KYAT1: variants seen among roughly 807,000 people sequenced by gnomAD.
KYAT1 encodes kynurenine--oxoglutarate transaminase 1.
In KYAT1, 47 loss-of-function variants were observed where a neutral mutation model predicts 52.4. That is an observed-to-expected ratio of 0.90 (90% CI 0.71 to 1.14). The LOEUF is 1.14. KYAT1 is among the 50% of genes most tolerant of loss of function. The pLI is 0.00. For missense variants in KYAT1, 480 were observed against 557.9 expected, an observed-to-expected ratio of 0.86 and a Z score of 1.41; for synonymous variants, 212 against 209.6, an observed-to-expected ratio of 1.01 and a Z score of -0.10.
Position 128,865,450 on chromosome 9 carries a change from C to T in KYAT1, c.-7+16447G>A, listed in dbSNP as rs543181853. Among the ~76,000 whole-genome samples the T allele has an allele frequency of 7.0e-5, 10 of 143,690 alleles. No homozygotes were observed. In the East Asian group the frequency reaches 2.1e-3, roughly 30 times the overall value. 94.3% of individuals were successfully genotyped at this position (143,690 alleles called of 152,430 possible). On this transcript the variant is annotated intron_variant, in intron 1 of 12. Coordinates refer to ENST00000302586, the MANE Select transcript of KYAT1 (RefSeq NM_004059.5). ...CGATCTTGGCTCACTGCAACCTCTG[C>T]CTCCCGGGTTCAAGCGATTCTCGTG... is the stretch of plus-strand genomic sequence containing the variant.
intron 7 of KYAT1, 173 bp from the exon 8 acceptor site, chr9:128,836,246 C>T (rs1407385493): frequency 5.9e-6 from 3 of 504,594 alleles, no homozygotes; most frequent in African/African-American, 4.0e-5. Context: ...TCCTTCCTTC[C>T]TTCTTTCTCT....
chr9:128,860,158 T>C (rs2130652913), intron 1 of KYAT1: 1 of 151,510 alleles, frequency 6.6e-6, no homozygotes, highest in East Asian at 1.9e-4. Flanking sequence ...AGAGGAAAAT[T>C]TTCTCCTCTT....
Position 128,850,450 on chromosome 9 carries a change from TGC to T in KYAT1, c.-6-5041_-6-5040del, listed in dbSNP as rs201232939. The stretch of plus-strand genomic sequence containing the variant: ...AAGGGATCTAGGGCTGTGCAGGATA[TGC>T]CTTGTTAACAAAATGTTTACAAGCA... On this transcript the variant is annotated intron_variant, in intron 1 of 12. Coordinates refer to ENST00000302586, the MANE Select transcript of KYAT1 (RefSeq NM_004059.5). 1.0e-3 allele frequency among the ~76,000 whole-genome samples: 159 copies of T among 152,310 alleles called. No individual in the cohort carries two copies. The East Asian group carries it at 0.029, about 28-fold the overall frequency.
intron 1 of KYAT1, among the ~76,000 whole-genome samples, chr9:128,852,248 T>C (rs1381598537): frequency 6.6e-6 from 1 of 152,306 alleles, no homozygotes; most frequent in South Asian, 2.1e-4. Context: ...ATACAACCCA[T>C]GGGTGCTCTC....
At chr9:128,854,171 T>G (rs1465999696) in intron 1 of KYAT1, among the ~76,000 whole-genome samples, 1 of 152,004 alleles carries the variant, frequency 6.6e-6, no homozygotes, top group Non-Finnish European at 1.5e-5. Context: ...AGGCCATAAT[T>G]GAAAGAAGTA....
chr9:128,849,718 C>T (rs1833659108), intron 1 of KYAT1, among the ~76,000 whole-genome samples: 1 of 148,062 alleles, frequency 6.8e-6, no homozygotes, highest in Non-Finnish European at 1.5e-5. Context: ...ATTGCTTCAA[C>T]TTGGGAGATG....
intron 6 of KYAT1, among the ~76,000 whole-genome samples, 171 bp downstream of exon 6, chr9:128,837,514 G>A (rs952191793): frequency 8.5e-5 from 13 of 152,170 alleles, no homozygotes; most frequent in Admixed American, 3.3e-4. Context: ...CCTTCCCTGG[G>A]GATTCTTGCC....
At chr9:128,857,831 G>A (rs886597758) in intron 1 of KYAT1, among the ~76,000 whole-genome samples, 6 of 152,050 alleles carry the variant, frequency 3.9e-5, no homozygotes, top group Non-Finnish European at 7.4e-5. Flanking sequence ...GCGAGACTCC[G>A]TCTCAAAACA....
intron 7 of KYAT1, among the ~76,000 whole-genome samples, 182 bp downstream of exon 7, chr9:128,836,620 C>T (rs1036465522): frequency 1.8e-4 from 27 of 152,002 alleles, no homozygotes; most frequent in African/African-American, 6.3e-4. Context: ...TGACCTCATC[C>T]TTTCGACAAC....
intron 1 of KYAT1, among the ~76,000 whole-genome samples, 153 bp downstream of exon 1, chr9:128,881,744 G>A (rs1458726137): frequency 1.3e-5 from 2 of 152,154 alleles, no homozygotes. Context: ...GATTCCCGCG[G>A]GCGGCTCAAT....
intron 1 of KYAT1, among the ~76,000 whole-genome samples, chr9:128,857,205 T>A (rs566636256): frequency 6.6e-6 from 1 of 152,186 alleles, no homozygotes; most frequent in Non-Finnish European, 1.5e-5. Context: ...CACATGTTTT[T>A]TTGCTGACCT....
chr9:128,841,902 ATGAGCCCCAGGAAATGGCATATCATG>A lies in KYAT1; in HGVS notation c.201+726_201+751del, dbSNP rs540873261. Among the ~76,000 whole-genome samples, 919 of 150,414 alleles carry A rather than the reference ATGAGCCCCAGGAAATGGCATATCATG, an allele frequency of 6.1e-3. 6 individuals carry two copies. The highest frequency in any genetic ancestry group is 0.028 in the Middle Eastern group (8 of 282). ...CTAGAGGCTGAGGTGGGAGGATCAC[ATGAGCCCCAGGAAATGGCATATCATG>A]TGAGCCCCATGAGGTACAGGCTGCA... On this transcript the variant is annotated intron_variant, in intron 3 of 12. Coordinates refer to ENST00000302586, the MANE Select transcript of KYAT1 (RefSeq NM_004059.5).
chr9:128,836,251 T>TCTTTCTC, intron 7 of KYAT1, 178 bp from the exon 8 acceptor site: 2 of 469,170 alleles, frequency 4.3e-6, no homozygotes, highest in Non-Finnish European at 3.8e-6. Flanking sequence ...CCTTCCTTCT[T>TCTTTCTC]TCTCTCTCTC....
chr9:128,868,240 G>T (rs577008901), intron 1 of KYAT1, among the ~76,000 whole-genome samples: 3 of 151,290 alleles, frequency 2.0e-5, no homozygotes, highest in African/African-American at 7.3e-5. Context: ...GCAATGGCAC[G>T]ATCTTGATTC....
intron 10 of KYAT1, 36 bp from the exon 11 acceptor site, chr9:128,835,438 C>T: frequency 6.2e-7 from 1 of 1,613,810 alleles, no homozygotes; most frequent in East Asian, 2.2e-5. Context: ...CCCCTGCAGC[C>T]TCCAGCCCCT....
intron 3 of KYAT1, among the ~76,000 whole-genome samples, chr9:128,839,731 C>T (rs1831799591): frequency 6.6e-6 from 1 of 152,174 alleles, no homozygotes; most frequent in South Asian, 2.1e-4. Context: ...CCAGATTTGG[C>T]CACACAAATA....
rs1423247613 is a variant in KYAT1 at position 128,835,864 on chromosome 9, C to A, written c.770G>T (p.Gly257Val). ...KTFSATGWKV[G>V]WVLGPDHIMK... ...GATGTGATCTGGACCCAGGACCCAG[C>A]CCACCTGCAGCAGGGGCGCAGGTAG... The change falls in exon 9 of 13, where the codon GGC (glycine) becomes GTC (valine). Residue 257 changes from glycine (G) to valine (V), a missense_variant. Transcript: ENST00000302586. 1.2e-6 allele frequency: 2 copies of A among 1,614,092 alleles called. No individual in the cohort carries two copies. Among genetic ancestry groups the A allele is most frequent in the Admixed American group, 3.3e-5 (2 of 60,010 alleles).
At position 128,833,785 on chromosome 9, in the gene KYAT1, T is replaced by C; in HGVS notation, c.1164A>G (p.Pro388=). ...TATAGTGGTCAAAGTGCTTCTGATG[T>C]GGCACACTATAGAAGATGGAGACAG... ...AIPVSIFYSV[P]HQKHFDHYIR... Residue 388 remains proline, a synonymous_variant, in exon 12 of 13, where the codon CCA becomes CCG. Transcript: ENST00000302586. The C allele has an allele frequency of 6.2e-7, 1 of 1,614,186 alleles. No individual in the cohort carries two copies. Among genetic ancestry groups the C allele is most frequent in the South Asian group, 1.1e-5 (1 of 91,084 alleles).
intron 1 of KYAT1, chr9:128,846,909 G>T (rs994497677): frequency 6.2e-6 from 9 of 1,459,262 alleles, no homozygotes; most frequent in Non-Finnish European, 8.3e-6. Context: ...GTTCCACCTC[G>T]CTCAGTTCCC....
Sources: gnomAD v4.1 joint callset for allele counts (sites outside exome capture counted in the v4.1 genomes callset) on GRCh38, gnomAD v4.1.1 for gene constraint, MANE v1.5 for transcripts, NCBI Gene and HGNC (gene_info 2026-07-23, HGNC 2026-07-21) for gene names.